Variants in KRTAP10-5 observed in about 807,000 individuals in gnomAD.
KRTAP10-5 encodes keratin-associated protein 10-5.
For missense variants in KRTAP10-5, 370 were observed against 351.2 expected (o/e 1.05, Z -0.43); for synonymous variants, 157 against 151.9 (o/e 1.03, Z -0.25).
Position 44,579,564 on chromosome 21 carries a change from AC to A in KRTAP10-5, c.*198del, listed in dbSNP as rs1978727677. ...GCTGGGAGGGAGGACAGGGGACCCA[AC>A]AGGCAGGTGGGCCCCTGCTGGGAGG... On this transcript the variant is annotated 3_prime_UTR_variant, in exon 1 of 1. Transcript: ENST00000400372. The A allele has an allele frequency of 1.5e-6, 1 of 676,096 alleles. No individual in the cohort carries two copies. Among genetic ancestry groups the A allele is most frequent in the East Asian group, 2.7e-5 (1 of 36,600 alleles). 41.9% of individuals were successfully genotyped at this position (676,096 alleles called of 1,614,324 possible). A position where few individuals can be genotyped will look rare whatever the true frequency, so the allele number is the denominator to read the frequency against.
Position 44,579,876 on chromosome 21 carries a change from G to A in KRTAP10-5, c.703C>T (p.Leu235=), listed in dbSNP as rs464424. ...CRPICRPACC[L]PISSCCAPAS... ...GGGGCACAGCAGGAGGAGATGGGCA[G>A]GCAGCAGGCGGGCCTGCATATGGGG... Residue 235 remains leucine, a synonymous_variant, in exon 1 of 1, where the codon CTG becomes TTG. Transcript: ENST00000400372. 6.2e-7 allele frequency: 1 copy of A among 1,613,532 alleles called. No homozygotes were observed. Among genetic ancestry groups the A allele is most frequent in the Non-Finnish European group, 8.5e-7 (1 of 1,179,766 alleles).
In KRTAP10-5 at chr21:44,580,450, T is replaced by G. The variant is rs373213017; in HGVS notation, c.129A>C (p.Pro43=). The part of the protein sequence containing the change: ...TAPCLTLVCT[P]VSCVSSPCCQ... The stretch of plus-strand genomic sequence containing the variant: ...AGCAGGGGCTGGACACACAGCTCAC[T>G]GGGGTGCAGACCAGGGTCAGGCAGG... Residue 43 remains proline (P), a synonymous_variant, in exon 1 of 1, where the codon CCA becomes CCC. Transcript: ENST00000400372. 1.2e-6 allele frequency: 2 copies of G among 1,612,994 alleles called. No individual in the cohort carries two copies. Among genetic ancestry groups the G allele is most frequent in the African/African-American group, 1.3e-5 (1 of 74,866 alleles).
rs781907835 is a variant in KRTAP10-5 at position 44,579,898 on chromosome 21, G to A, written c.681C>T (p.Pro227=). 27 of 1,612,812 alleles carry A rather than the reference G, an allele frequency of 1.7e-5. No individual in the cohort carries two copies. The highest frequency in any genetic ancestry group is 5.0e-5 in the Admixed American group (3 of 60,014). ...PSSSVSLLCR[P]ICRPACCLPI... ...GCAGGCAGCAGGCGGGCCTGCATAT[G>A]GGGCGGCAGAGGAGGGACACGGAGG... Residue 227 remains proline (P), a synonymous_variant, in exon 1 of 1, where the codon CCC becomes CCT. Coordinates refer to ENST00000400372, the MANE Select transcript of KRTAP10-5 (RefSeq NM_198694.3).
Position 44,580,437 on chromosome 21 carries a change from A to T in KRTAP10-5, c.142T>A (p.Ser48Thr), listed in dbSNP as rs782722644. The T allele has an allele frequency of 1.2e-5, 20 of 1,612,968 alleles. No individual in the cohort carries two copies. Among genetic ancestry groups the T allele is most frequent in the Non-Finnish European group, 5.9e-6 (7 of 1,179,914 alleles). Residue 48 changes from serine (S) to threonine (T), a missense_variant, in exon 1 of 1, where the codon TCC becomes ACC. Physicochemically the swap from Ser to Thr is moderately conservative, Grantham distance 58. Transcript: ENST00000400372. ...CAGGCCGCCTGGCAGCAGGGGCTGG[A>T]CACACAGCTCACTGGGGTGCAGACC... Reference protein sequence around the residue: ...TLVCTPVSCVSSPCCQAACEP... With the variant: ...TLVCTPVSCVTSPCCQAACEP...
In KRTAP10-5 at chr21:44,580,147, G is replaced by T; in HGVS notation, c.432C>A (p.Thr144=). 6.2e-7 allele frequency: 1 copy of T among 1,613,758 alleles called. No individual in the cohort carries two copies. The highest frequency in any genetic ancestry group is 1.1e-5 in the South Asian group (1 of 91,042). The stretch of plus-strand genomic sequence containing the variant: ...AGCATGAAGAGGAATCCTCAGAACA[G>T]GTGGGCACACAGCACACGGGCTTGC... ...VCCKPVCCVP[T]CSEDSSSCCQ... Residue 144 remains threonine (T), a synonymous_variant, in exon 1 of 1, where the codon ACC becomes ACA. Transcript: ENST00000400372.
Position 44,580,145 on chromosome 21 carries a change from C to G in KRTAP10-5, c.434G>C (p.Cys145Ser), listed in dbSNP as rs782718733. ...GCAGCATGAAGAGGAATCCTCAGAA[C>G]AGGTGGGCACACAGCACACGGGCTT... ...CCKPVCCVPTCSEDSSSCCQH... is the reference protein window; with the variant it reads ...CCKPVCCVPTSSEDSSSCCQH... The change falls in exon 1 of 1, where the codon TGT (cysteine) becomes TCT (serine). Residue 145 changes from cysteine to serine, a missense_variant. Physicochemically the swap from Cys to Ser is moderately radical, Grantham distance 112 (BLOSUM62 -1). Coordinates refer to ENST00000400372, the MANE Select transcript of KRTAP10-5 (RefSeq NM_198694.3). 47 of 1,613,286 alleles carry G rather than the reference C, an allele frequency of 2.9e-5. No homozygotes were observed. Among genetic ancestry groups the G allele is most frequent in the Non-Finnish European group, 2.4e-5 (28 of 1,179,874 alleles).
Position 44,580,010 on chromosome 21 carries a change from G to A in KRTAP10-5, c.569C>T (p.Pro190Leu). 1 of 1,595,154 alleles carries A rather than the reference G, an allele frequency of 6.3e-7. No individual in the cohort carries two copies. Among genetic ancestry groups the A allele is most frequent in the Non-Finnish European group, 8.6e-7 (1 of 1,168,334 alleles). Residue 190 changes from proline (P) to leucine (L), a missense_variant, in exon 1 of 1, where the codon CCC becomes CTC. By Grantham distance (98) the Pro-to-Leu change is moderately conservative (BLOSUM62 -3). Transcript: ENST00000400372. ...TGAAGTGGAAGCCCCAGAGCAGACG[G>A]GCACACAGCAGATGGGTTTGCAGCA... The part of the protein sequence containing the change: ...PVCCKPICCV[P>L]VCSGASTSCC...
Position 44,579,775 on chromosome 21 carries a change from G to T in KRTAP10-5, c.804C>A (p.Pro268=). The T allele has an allele frequency of 6.2e-7, 1 of 1,611,560 alleles. No homozygotes were observed. The highest frequency in any genetic ancestry group is 8.5e-7 in the Non-Finnish European group (1 of 1,178,780). Residue 268 remains proline (P), a synonymous_variant, in exon 1 of 1, where the codon CCC becomes CCA. Transcript: ENST00000400372. The part of the protein sequence containing the change: ...VSLLCRPACS[P]LAC ...CTGAGCAGAGGCCTCAGCAGGCCAG[G>T]GGGGAGCACGCGGGGCGGCAGAGGA...
Position 44,579,805 on chromosome 21 carries a change from C to T in KRTAP10-5, c.774G>A (p.Val258=), listed in dbSNP as rs7510461. The T allele has an allele frequency of 6.8e-3, 10,864 of 1,608,642 alleles. 380 individuals carry two copies. In the African/African-American group the frequency reaches 0.095, roughly 14 times the overall value. Residue 258 remains valine, a synonymous_variant, in exon 1 of 1, where the codon GTG becomes GTA. Coordinates refer to ENST00000400372, the MANE Select transcript of KRTAP10-5 (RefSeq NM_198694.3). ...QASCCRPASC[V]SLLCRPACSP... is the part of the protein sequence containing the mutation. ...AGCACGCGGGGCGGCAGAGGAGGGA[C>T]ACGCAGGAGGCCGGGCGGCAGCAGC...
rs782093945 is a variant in KRTAP10-5 at position 44,580,557 on chromosome 21, C to T, written c.22G>A (p.Val8Ile). The change falls in exon 1 of 1, where the codon GTC becomes ATC. Residue 8 changes from valine (V) to isoleucine (I), a missense_variant. Coordinates refer to ENST00000400372, the MANE Select transcript of KRTAP10-5 (RefSeq NM_198694.3). The stretch of plus-strand genomic sequence containing the variant: ...GAGTCAGAGCAAGCGCTGGAGCAGA[C>T]GGACATGGTGCACGCGGCCATGCTG... MAACTMS[V>I]CSSACSDSWR... 54 of 1,612,720 alleles carry T rather than the reference C, an allele frequency of 3.3e-5. No homozygotes were observed. Among genetic ancestry groups the T allele is most frequent in the Admixed American group, 1.3e-4 (8 of 59,948 alleles).
chr21:44,580,478 G>T lies in KRTAP10-5; in HGVS notation c.101C>A (p.Ala34Asp), dbSNP rs782390390. ...ESCCEPPCGTAPCLTLVCTPV... is the reference protein window; with the variant it reads ...ESCCEPPCGTDPCLTLVCTPV... ...GGTGCAGACCAGGGTCAGGCAGGGG[G>T]CGGTGCCGCAGGGGGGCTCACAGCA... The change falls in exon 1 of 1, where the codon GCC becomes GAC. Residue 34 changes from alanine to aspartate, a missense_variant. Ala to Asp is a moderately radical substitution (Grantham distance 126, BLOSUM62 -2). Transcript: ENST00000400372. 3.7e-6 allele frequency: 6 copies of T among 1,613,308 alleles called. No individual in the cohort carries two copies. Among genetic ancestry groups the T allele is most frequent in the Non-Finnish European group, 5.1e-6 (6 of 1,179,932 alleles).
rs7510513 is a variant in KRTAP10-5 at position 44,579,756 on chromosome 21, A to C, written c.*7T>G. The C allele has an allele frequency of 6.8e-3, 10,941 of 1,607,418 alleles. 409 individuals carry two copies. The African/African-American group carries it at 0.096, about 14-fold the overall frequency. On this transcript the variant is annotated 3_prime_UTR_variant, in exon 1 of 1. Coordinates refer to ENST00000400372, the MANE Select transcript of KRTAP10-5 (RefSeq NM_198694.3). ...CAGCAACTGGACTCCTGGCCTGAGC[A>C]GAGGCCTCAGCAGGCCAGGGGGGAG...
Position 44,580,077 on chromosome 21 carries a change from A to AGGGG in KRTAP10-5, c.498_501dup (p.Cys168ProfsTer38), listed in dbSNP as rs1978816824. 1 of 1,613,650 alleles carries AGGGG rather than the reference A, an allele frequency of 6.2e-7. No individual in the cohort carries two copies. Among genetic ancestry groups the AGGGG allele is most frequent in the Admixed American group, 1.7e-5 (1 of 59,826 alleles). ...ACAGGCACGTAGCAGGACTGCTGGCAGGGGGAGGAGGTGCAGCAAGTCGGC... is the reference window on the plus strand; with the variant it reads ...ACAGGCACGTAGCAGGACTGCTGGCAGGGGGGGGGAGGAGGTGCAGCAAGTCGGC... On this transcript the variant is annotated frameshift_variant, in exon 1 of 1. Coordinates refer to ENST00000400372, the MANE Select transcript of KRTAP10-5 (RefSeq NM_198694.3). LOFTEE classifies it low-confidence loss of function (END_TRUNC).
In KRTAP10-5 at chr21:44,580,364, G is replaced by A. The variant is rs587619616; in HGVS notation, c.215C>T (p.Ser72Leu). The A allele has an allele frequency of 6.8e-6, 11 of 1,613,680 alleles. No homozygotes were observed. Among genetic ancestry groups the A allele is most frequent in the South Asian group, 1.1e-5 (1 of 91,040 alleles). Reference sequence around the variant, plus strand: ...GGCGCAGCAAGCCGGCTGGCAGCACGAGGGCGTGCAGGAGCTGGTGCAGCC... The same window carrying A: ...GGCGCAGCAAGCCGGCTGGCAGCACAAGGGCGTGCAGGAGCTGGTGCAGCC... Reference protein sequence around the residue: ...QSGCTSSCTPSCCQPACCASS... With the variant: ...QSGCTSSCTPLCCQPACCASS... Residue 72 changes from serine to leucine, a missense_variant, in exon 1 of 1, where the codon TCG becomes TTG. Physicochemically the swap from Ser to Leu is moderately radical, Grantham distance 145. Transcript: ENST00000400372.
chr21:44,579,949 G>A lies in KRTAP10-5; in HGVS notation c.630C>T (p.Cys210=), dbSNP rs1555924706. The A allele has an allele frequency of 1.9e-6, 3 of 1,614,120 alleles. No individual in the cohort carries two copies. The highest frequency in any genetic ancestry group is 1.7e-4 in the Middle Eastern group (1 of 6,058). Residue 210 remains cysteine (C), a synonymous_variant, in exon 1 of 1, where the codon TGC becomes TGT. Coordinates refer to ENST00000400372, the MANE Select transcript of KRTAP10-5 (RefSeq NM_198694.3). Reference sequence around the variant, plus strand: ...AGGAGGGTCTGCAGCAGGAGGTGGTGCAGCAAGCCGGCTGACAGCTAGACT... The same window carrying A: ...AGGAGGGTCTGCAGCAGGAGGTGGTACAGCAAGCCGGCTGACAGCTAGACT... ...CQQSSCQPAC[C]TTSCCRPSSS... is the part of the protein sequence containing the mutation.
chr21:44,579,676 G>C lies in KRTAP10-5; in HGVS notation c.*87C>G, dbSNP rs587723129. ...AGCACATGGGGGCCCCGTCCCAAGCGGGGGCAACCTCCTAACCCGAGTCAG... is the reference window on the plus strand; with the variant it reads ...AGCACATGGGGGCCCCGTCCCAAGCCGGGGCAACCTCCTAACCCGAGTCAG... On this transcript the variant is annotated 3_prime_UTR_variant, in exon 1 of 1. Transcript: ENST00000400372. The C allele has an allele frequency of 5.9e-6, 9 of 1,517,622 alleles. No individual in the cohort carries two copies. Among genetic ancestry groups the C allele is most frequent in the Middle Eastern group, 2.4e-4 (1 of 4,212 alleles). The allele number at this position is 1,517,622 out of a possible 1,614,324, so 94.0% of individuals were successfully genotyped here. A position where few individuals can be genotyped will look rare whatever the true frequency, so the allele number is the denominator to read the frequency against.
chr21:44,579,548 G>C lies in KRTAP10-5; in HGVS notation c.*215C>G, dbSNP rs1282603392. ...GACATGGGGCAGAGAAGCTGGGAGG[G>C]AGGACAGGGGACCCAACAGGCAGGT... On this transcript the variant is annotated 3_prime_UTR_variant, in exon 1 of 1. Transcript: ENST00000400372. 4.8e-6 allele frequency: 3 copies of C among 624,816 alleles called. No individual in the cohort carries two copies. In the African/African-American group the frequency reaches 5.5e-5, roughly 12 times the overall value. 38.7% of individuals were successfully genotyped at this position (624,816 alleles called of 1,614,324 possible).
Position 44,580,589 on chromosome 21 carries a change from G to A in KRTAP10-5, c.-11C>T. 6.2e-7 allele frequency: 1 copy of A among 1,601,726 alleles called. No homozygotes were observed. Among genetic ancestry groups the A allele is most frequent in the Non-Finnish European group, 8.5e-7 (1 of 1,174,060 alleles). Reference sequence around the variant, plus strand: ...GGTGCACGCGGCCATGCTGGGGTGGGGAAGACGTGAGCTGGGAGCTGGGGG... The same window carrying A: ...GGTGCACGCGGCCATGCTGGGGTGGAGAAGACGTGAGCTGGGAGCTGGGGG... On this transcript the variant is annotated 5_prime_UTR_variant, in exon 1 of 1. Coordinates refer to ENST00000400372, the MANE Select transcript of KRTAP10-5 (RefSeq NM_198694.3).
Position 44,579,720 on chromosome 21 carries a change from G to T in KRTAP10-5, c.*43C>A, listed in dbSNP as rs1429032335. Reference sequence around the variant, plus strand: ...GAGTCAGGACCAGTTGGCCCTGGGGGATGTGCACATCAGCAACTGGACTCC... The same window carrying T: ...GAGTCAGGACCAGTTGGCCCTGGGGTATGTGCACATCAGCAACTGGACTCC... On this transcript the variant is annotated 3_prime_UTR_variant, in exon 1 of 1. Transcript: ENST00000400372. The T allele has an allele frequency of 1.3e-6, 2 of 1,585,282 alleles. No individual in the cohort carries two copies. The highest frequency in any genetic ancestry group is 1.2e-5 in the South Asian group (1 of 85,714).
Sources: gnomAD v4.1 joint callset for allele counts on GRCh38, gnomAD v4.1.1 for gene constraint, MANE v1.5 for transcripts, NCBI Gene and HGNC (gene_info 2026-07-23, HGNC 2026-07-21) for gene names.